The following CPNE8 variants were observed in gnomAD, a reference collection of about 807,000 sequenced individuals.
CPNE8 encodes the protein copine-8.
In CPNE8, 45 loss-of-function variants were observed where a neutral mutation model predicts 81.5. That is an observed-to-expected ratio of 0.55 (90% CI 0.44 to 0.71). The LOEUF is 0.71. Among genes scored for constraint, CPNE8 ranks in the 30% least tolerant of loss-of-function variants. The pLI, the probability that CPNE8 is intolerant of heterozygous loss-of-function variation, is 0.00. For synonymous variants in CPNE8, 252 were observed against 226.3 expected, an observed-to-expected ratio of 1.11 and a Z score of -1.02; for missense variants, 594 against 672.1, an observed-to-expected ratio of 0.88 and a Z score of 1.28.
intron 16 of CPNE8, 41 bp from the exon 17 acceptor site, chr12:38,677,595 C>A: frequency 8.9e-7 from 1 of 1,119,762 alleles, no homozygotes. Context: ...AAACAGTTTT[C>A]TATATGTGAT....
chr12:38,776,089 G>A (rs148952634), intron 7 of CPNE8, 149 bp downstream of exon 7: 2 of 348,690 alleles, frequency 5.7e-6, no homozygotes, highest in Admixed American at 8.1e-5. Context: ...CTGGTCATAG[G>A]GCTAAGTACC....
intron 10 of CPNE8, among the ~76,000 whole-genome samples, chr12:38,731,467 AG>A (rs1940829601): frequency 6.6e-6 from 1 of 152,066 alleles, no homozygotes; most frequent in African/African-American, 2.4e-5. Flanking sequence ...CCTTAATTTT[AG>A]TAGAGTTTTT....
intron 3 of CPNE8, among the ~76,000 whole-genome samples, chr12:38,852,147 G>C (rs1943656342): frequency 6.6e-6 from 1 of 152,070 alleles, no homozygotes; most frequent in Non-Finnish European, 1.5e-5. Flanking sequence ...GTTTATGTAG[G>C]CTGGGCGCGG....
chr12:38,890,621 G>A (rs942372025), intron 1 of CPNE8, among the ~76,000 whole-genome samples: 2 of 151,856 alleles, frequency 1.3e-5, no homozygotes, highest in African/African-American at 4.8e-5. Flanking sequence ...GCAAATTTTT[G>A]CTTCCTCAAG....
At chr12:38,885,353 A>T (rs1044723672) in intron 1 of CPNE8, among the ~76,000 whole-genome samples, 1 of 152,198 alleles carries the variant, frequency 6.6e-6, no homozygotes, top group Admixed American at 6.5e-5. Context: ...GAAGAAATAT[A>T]TTTGGTCACT....
intron 1 of CPNE8, among the ~76,000 whole-genome samples, chr12:38,904,571 C>G (rs1167298647): frequency 6.6e-6 from 1 of 150,416 alleles, no homozygotes; most frequent in East Asian, 2.0e-4. Flanking sequence ...CGGGTTCAAG[C>G]GATTCTCCTG....
intron 10 of CPNE8, among the ~76,000 whole-genome samples, chr12:38,737,712 TCA>T (rs1940987286): frequency 6.6e-6 from 1 of 152,144 alleles, no homozygotes; most frequent in Non-Finnish European, 1.5e-5. Flanking sequence ...TCTCACTTTT[TCA>T]CAGAGATTAA....
chr12:38,734,806 T>G (rs368595466), intron 10 of CPNE8, among the ~76,000 whole-genome samples: 3 of 152,068 alleles, frequency 2.0e-5, no homozygotes, highest in South Asian at 2.1e-4. Context: ...CTTATACATT[T>G]TGTCAATAAA....
intron 7 of CPNE8, among the ~76,000 whole-genome samples, chr12:38,775,140 T>C (rs1182649469): frequency 2.0e-5 from 3 of 152,114 alleles, no homozygotes; most frequent in African/African-American, 7.2e-5. Flanking sequence ...TATACATATA[T>C]TTGAGACAAG....
intron 19 of CPNE8, among the ~76,000 whole-genome samples, chr12:38,663,373 G>T (rs1198889232): frequency 6.6e-6 from 1 of 151,848 alleles, no homozygotes; most frequent in Non-Finnish European, 1.5e-5. Flanking sequence ...TCAAAAGAAG[G>T]CACACAAATG....
chr12:38,748,604 C>T (rs1433137849), intron 10 of CPNE8, among the ~76,000 whole-genome samples: 3 of 151,598 alleles, frequency 2.0e-5, no homozygotes, highest in Admixed American at 6.6e-5. Flanking sequence ...TGGTTCATGC[C>T]ATTCTCCTGC....
chr12:38,820,363 C>T (rs1199794747), intron 6 of CPNE8, among the ~76,000 whole-genome samples: 1 of 151,706 alleles, frequency 6.6e-6, no homozygotes, highest in Non-Finnish European at 1.5e-5. Context: ...CGAGATTGTG[C>T]CACTCTACTC....
intron 13 of CPNE8, among the ~76,000 whole-genome samples, chr12:38,717,861 G>A (rs976773597): frequency 6.6e-6 from 1 of 152,024 alleles, no homozygotes; most frequent in African/African-American, 2.4e-5. Context: ...AATTGATGAT[G>A]CCACCTTAAG....
intron 15 of CPNE8, among the ~76,000 whole-genome samples, chr12:38,686,769 A>G (rs1939543889): frequency 1.3e-5 from 2 of 152,150 alleles, no homozygotes; most frequent in Non-Finnish European, 2.9e-5. Context: ...CAGGAGGCCA[A>G]ATGGACTCTC....
rs1938759831 is a variant in CPNE8 at position 38,653,877 on chromosome 12, C to T, written c.*5G>A. 1.9e-6 allele frequency: 3 copies of T among 1,609,472 alleles called. No individual in the cohort carries two copies. Among genetic ancestry groups the T allele is most frequent in the South Asian group, 1.1e-5 (1 of 89,928 alleles). On this transcript the variant is annotated 3_prime_UTR_variant, in exon 20 of 20. Transcript: ENST00000331366. ...TGTAGTTGACATTAGCATTTCAGAG[C>T]ACAGTCATATTTGAGTCTGTAACAC... is the stretch of plus-strand genomic sequence containing the variant.
intron 6 of CPNE8, among the ~76,000 whole-genome samples, chr12:38,803,583 T>C (rs1245323441): frequency 3.6e-5 from 5 of 139,310 alleles, no homozygotes; most frequent in Non-Finnish European, 7.9e-5. Flanking sequence ...AAGCATTCCC[T>C]TTGAAAACTG....
At chr12:38,715,160 T>A (rs930135751) in intron 13 of CPNE8, among the ~76,000 whole-genome samples, 1 of 152,124 alleles carries the variant, frequency 6.6e-6, no homozygotes, top group Admixed American at 6.5e-5. Context: ...TTGCAATGTT[T>A]GACTCTCAGC....
chr12:38,696,716 G>A (rs574097421), intron 14 of CPNE8, among the ~76,000 whole-genome samples: 3 of 152,100 alleles, frequency 2.0e-5, no homozygotes, highest in Non-Finnish European at 4.4e-5. Context: ...AGTTTATTGA[G>A]ACATAATGGC....
chr12:38,750,766 G>T (rs974560392), intron 10 of CPNE8, among the ~76,000 whole-genome samples: 8 of 152,200 alleles, frequency 5.3e-5, no homozygotes, highest in African/African-American at 1.9e-4. Context: ...TGTCTCAGAT[G>T]ACACTTTGGA....
Sources: allele counts gnomAD v4.1 joint callset (sites outside exome capture counted in the v4.1 genomes callset), GRCh38; gene constraint gnomAD v4.1.1; transcripts MANE v1.5; gene names NCBI Gene and HGNC (gene_info 2026-07-23, HGNC 2026-07-21).